The following SORBS2 variants were observed in gnomAD, a reference collection of about 807,000 sequenced individuals.
The protein encoded by SORBS2 is sorbin and SH3 domain containing 2.
Under a neutral mutation model 97.7 loss-of-function variants are expected in SORBS2, and 46 were observed. The ratio of observed to expected loss-of-function variants is 0.47; its 90% CI spans 0.37 to 0.60. SORBS2 has a LOEUF of 0.60. SORBS2 is among the 20% of genes least tolerant of loss of function. The pLI, the probability that SORBS2 is intolerant of heterozygous loss-of-function variation, is 0.00. For missense variants in SORBS2, 1,316 were observed against 1,282.3 expected (o/e 1.03, Z -0.40); for synonymous variants, 476 against 473.4 (o/e 1.01, Z -0.07).
intron 2 of SORBS2, among the ~76,000 whole-genome samples, chr4:185,758,036 C>G (rs2098841415): frequency 6.6e-6 from 1 of 152,150 alleles, no homozygotes; most frequent in Non-Finnish European, 1.5e-5. Flanking sequence ...TTTTGTTTAT[C>G]TAGAGTTGTG....
chr4:185,763,431 C>T lies in SORBS2; in HGVS notation c.-198+11796G>A, dbSNP rs376558972. 3.9e-5 allele frequency among the ~76,000 whole-genome samples: 6 copies of T among 152,298 alleles called. No individual in the cohort carries two copies. In the East Asian group the frequency reaches 1.2e-3, roughly 29 times the overall value. On this transcript the variant is annotated intron_variant, in intron 2 of 20. Transcript: ENST00000284776. The stretch of plus-strand genomic sequence containing the variant: ...AATCACCTGCCCTGGCCCAAGCCCC[C>T]GACCCCCCACCTCATCACATTTCTG...
chr4:185,593,548 C>T (rs952160897), intron 13 of SORBS2: 4 of 259,982 alleles, frequency 1.5e-5, no homozygotes, highest in African/African-American at 6.8e-5. Flanking sequence ...AAGGTTAGAA[C>T]ATGTTCTGTA....
chr4:185,743,898 T>C (rs938734905), intron 2 of SORBS2, among the ~76,000 whole-genome samples: 4 of 149,586 alleles, frequency 2.7e-5, no homozygotes, highest in Non-Finnish European at 4.5e-5. Flanking sequence ...CTCCTTCTTC[T>C]TCTCCTTCTC....
chr4:185,791,717 T>G (rs2099080861), intron 1 of SORBS2, among the ~76,000 whole-genome samples: 2 of 151,448 alleles, frequency 1.3e-5, no homozygotes, highest in Admixed American at 1.3e-4. Flanking sequence ...GTGAAAAAAA[T>G]AAGATTGTTT....
At chr4:185,734,857 C>A (rs1307045046) in intron 2 of SORBS2, among the ~76,000 whole-genome samples, 1 of 152,360 alleles carries the variant, frequency 6.6e-6, no homozygotes, top group African/African-American at 2.4e-5. Context: ...AGGTCCCCCT[C>A]ATCCTTGATC....
intron 2 of SORBS2, 78 bp from the exon 11 acceptor site, chr4:185,651,906 C>A: frequency 2.6e-6 from 2 of 762,478 alleles, no homozygotes; most frequent in Non-Finnish European, 4.6e-6. Context: ...TTCAGACAAA[C>A]AACAGAAATT....
intron 1 of SORBS2, among the ~76,000 whole-genome samples, chr4:185,875,743 A>G (rs1454818462): frequency 6.6e-6 from 1 of 152,244 alleles, no homozygotes; most frequent in Non-Finnish European, 1.5e-5. Context: ...GATCAGGTCC[A>G]TGCTTACGTG....
At chr4:185,861,646 G>GC (rs72107748) in intron 1 of SORBS2, among the ~76,000 whole-genome samples, 69,205 of 149,440 alleles carry the variant, frequency 0.46, 16,460 homozygotes, top group African/African-American at 0.54. Flanking sequence ...TCACTCTGTT[G>GC]CCAGGCTGGA....
chr4:185,730,145 G>A (rs1011905082), intron 2 of SORBS2, among the ~76,000 whole-genome samples: 10 of 151,810 alleles, frequency 6.6e-5, no homozygotes, highest in African/African-American at 2.4e-4. Flanking sequence ...GTAGAGACGG[G>A]GTTTCACTGT....
intron 1 of SORBS2, among the ~76,000 whole-genome samples, chr4:185,882,048 T>G (rs1253899335): frequency 6.6e-6 from 1 of 152,232 alleles, no homozygotes. Context: ...ATTTGGTTTC[T>G]TTAATAGCAC....
chr4:185,654,339 T>C (rs1408897204), intron 1 of SORBS2, among the ~76,000 whole-genome samples: 2 of 152,260 alleles, frequency 1.3e-5, no homozygotes, highest in African/African-American at 2.4e-5. Flanking sequence ...TTAAACCTCA[T>C]TTCTTTTACT....
chr4:185,896,908 AG>A (rs1400556052), intron 1 of SORBS2, among the ~76,000 whole-genome samples: 15 of 147,816 alleles, frequency 1.0e-4, no homozygotes, highest in Admixed American at 8.8e-4. Flanking sequence ...AAAAAAAAAA[AG>A]CACATGTCAG....
At chr4:185,690,453 A>G in intron 2 of SORBS2, 109 bp downstream of exon 4, 1 of 590,892 alleles carries the variant, frequency 1.7e-6, no homozygotes, top group Non-Finnish European at 2.9e-6. Flanking sequence ...ATCTAATCAG[A>G]AACTCAGAAT....
intron 2 of SORBS2, among the ~76,000 whole-genome samples, chr4:185,767,517 A>G (rs1348758833): frequency 4.4e-5 from 6 of 135,982 alleles, no homozygotes; most frequent in African/African-American, 1.7e-4. Context: ...AAAAAAAAAA[A>G]AAGAGAAAGA....
chr4:185,931,466 G>GGT (rs1475226814), intron 1 of SORBS2, among the ~76,000 whole-genome samples: 3 of 152,198 alleles, frequency 2.0e-5, no homozygotes, highest in Non-Finnish European at 4.4e-5. Flanking sequence ...AGGACGAGCG[G>GGT]AGACTGATGG....
chr4:185,625,428 G>A (rs1561496372), intron 6 of SORBS2, among the ~76,000 whole-genome samples: 1 of 152,160 alleles, frequency 6.6e-6, no homozygotes, highest in Non-Finnish European at 1.5e-5. Context: ...AAATCTAATG[G>A]AGGAAAATAT....
intron 2 of SORBS2, among the ~76,000 whole-genome samples, chr4:185,742,138 C>A (rs574343609): frequency 1.3e-5 from 2 of 152,214 alleles, no homozygotes; most frequent in African/African-American, 4.8e-5. Flanking sequence ...CTCTCAGGGG[C>A]CAGCCCTGGC....
At chr4:185,752,860 G>T (rs1429907531) in intron 2 of SORBS2, among the ~76,000 whole-genome samples, 1 of 152,170 alleles carries the variant, frequency 6.6e-6, no homozygotes, top group Non-Finnish European at 1.5e-5. Flanking sequence ...TGAAGAATCT[G>T]TATCCCTTTT....
chr4:185,803,518 A>C (rs2099140306), intron 1 of SORBS2, among the ~76,000 whole-genome samples: 1 of 152,192 alleles, frequency 6.6e-6, no homozygotes, highest in Non-Finnish European at 1.5e-5. Flanking sequence ...GTGGTTTTTC[A>C]AACTAAACTA....
Sources: allele counts gnomAD v4.1 joint callset (sites outside exome capture counted in the v4.1 genomes callset), GRCh38; gene constraint gnomAD v4.1.1; transcripts MANE v1.5; gene names NCBI Gene and HGNC (gene_info 2026-07-23, HGNC 2026-07-21).